The following DSCAM variants were observed in gnomAD, a reference collection of about 807,000 sequenced individuals.
The protein encoded by DSCAM is cell adhesion molecule DSCAM.
A neutral mutation model predicts 217.7 loss-of-function variants in DSCAM; 47 were observed. The observed-to-expected ratio is 0.22, with a 90% CI of 0.17 to 0.28. DSCAM has a LOEUF of 0.28. Among genes scored for constraint, DSCAM ranks in the 10% least tolerant of loss-of-function variants. The pLI is 1.00. For synonymous variants in DSCAM, 1,056 were observed against 1,015.3 expected (o/e 1.04, Z -0.76); for missense variants, 2,080 against 2,618.3 (o/e 0.79, Z 4.49).
At chr21:40,541,607 T>TTGTG (rs547166251) in intron 3 of DSCAM, among the ~76,000 whole-genome samples, 1 of 151,736 alleles carries the variant, frequency 6.6e-6, no homozygotes, top group Non-Finnish European at 1.5e-5. Context: ...ATGTGTATAT[T>TTGTG]TGTGTGTGTG....
intron 1 of DSCAM, among the ~76,000 whole-genome samples, chr21:40,756,737 C>T (rs1440262067): frequency 6.6e-6 from 1 of 152,128 alleles, no homozygotes; most frequent in Non-Finnish European, 1.5e-5. Context: ...ATACACTGTA[C>T]TAAACACTTC....
chr21:40,385,968 C>G (rs1442704138), intron 3 of DSCAM, among the ~76,000 whole-genome samples: 1 of 152,192 alleles, frequency 6.6e-6, no homozygotes, highest in Non-Finnish European at 1.5e-5. Context: ...AGCACAGTCA[C>G]TTTCTGTGCA....
rs911356584 is a variant in DSCAM, at chr21:40,528,898, CTTTTTTT to C, written c.509-159660_509-159654del. On this transcript the variant is annotated intron_variant, in intron 3 of 32. Coordinates refer to ENST00000400454, the MANE Select transcript of DSCAM (RefSeq NM_001389.5). ...TCTTTGGCAATGTCCAGGCTTTCCA[CTTTTTTT>C]TTTTTTTTTTTTTTTTGAGATGGAG... Among the ~76,000 whole-genome samples the C allele has an allele frequency of 1.8e-3, 178 of 99,390 alleles. 3 individuals carry two copies. In the East Asian group the frequency reaches 0.02, roughly 11 times the overall value. 65.2% of individuals were successfully genotyped at this position (99,390 alleles called of 152,430 possible).
At chr21:40,844,024 A>G (rs890662446) in intron 1 of DSCAM, among the ~76,000 whole-genome samples, 4 of 152,178 alleles carry the variant, frequency 2.6e-5, no homozygotes, top group African/African-American at 9.6e-5. Flanking sequence ...GAGGCCTAGC[A>G]ATAATCAGTT....
intron 3 of DSCAM, among the ~76,000 whole-genome samples, chr21:40,634,422 G>C (rs1051728062): frequency 2.0e-5 from 3 of 152,098 alleles, no homozygotes; most frequent in African/African-American, 7.2e-5. Context: ...AGCATGCAGT[G>C]GTACTACACT....
chr21:40,820,869 G>A (rs1227231071), intron 1 of DSCAM, among the ~76,000 whole-genome samples: 2 of 151,790 alleles, frequency 1.3e-5, no homozygotes, highest in African/African-American at 4.8e-5. Flanking sequence ...AACTTCTCTA[G>A]AGCACAATAA....
chr21:40,615,963 G>A (rs1405639170), intron 3 of DSCAM, among the ~76,000 whole-genome samples: 1 of 151,994 alleles, frequency 6.6e-6, no homozygotes, highest in Admixed American at 6.6e-5. Flanking sequence ...CTTTCTGATA[G>A]AAATGATAAC....
intron 3 of DSCAM, among the ~76,000 whole-genome samples, chr21:40,497,692 T>C (rs1312261961): frequency 6.6e-6 from 1 of 152,248 alleles, no homozygotes. Context: ...TTCCCCAATG[T>C]ATACATATAA....
intron 32 of DSCAM, among the ~76,000 whole-genome samples, chr21:40,021,248 G>T (rs1284033888): frequency 6.6e-6 from 1 of 150,680 alleles, no homozygotes; most frequent in African/African-American, 2.4e-5. Context: ...TAGCTACGCA[G>T]GTCGGTAGAC....
intron 14 of DSCAM, among the ~76,000 whole-genome samples, chr21:40,184,979 A>C (rs1172812803): frequency 6.6e-6 from 1 of 152,144 alleles, no homozygotes; most frequent in African/African-American, 2.4e-5. Flanking sequence ...TTCCCTTCTT[A>C]GAGTTCACCA....
intron 1 of DSCAM, among the ~76,000 whole-genome samples, chr21:40,789,150 T>G (rs2091617613): frequency 6.6e-6 from 1 of 151,904 alleles, no homozygotes; most frequent in African/African-American, 2.4e-5. Context: ...GTTGGAAGGG[T>G]GCCGATAGAG....
rs902651105 is a variant in DSCAM, at chr21:40,546,475, T to C, written c.508+146335A>G. Among the ~76,000 whole-genome samples the C allele has an allele frequency of 3.9e-5, 6 of 152,212 alleles. No homozygotes were observed. The South Asian group carries it at 8.3e-4, about 21-fold the overall frequency. On this transcript the variant is annotated intron_variant, in intron 3 of 32. Coordinates refer to ENST00000400454, the MANE Select transcript of DSCAM (RefSeq NM_001389.5). ...CTGCCTTTTGACCTTAGGCAAATCA[T>C]GTAGACTTCTCTGAGCCACCTCAGT...
intron 3 of DSCAM, among the ~76,000 whole-genome samples, chr21:40,419,247 CT>C (rs1245546434): frequency 1.3e-5 from 2 of 151,784 alleles, no homozygotes; most frequent in Non-Finnish European, 2.9e-5. Flanking sequence ...TCCCAAAGTG[CT>C]GGGATTACAG....
At chr21:40,240,418 A>C (rs546713481) in intron 11 of DSCAM, among the ~76,000 whole-genome samples, 87 of 126,692 alleles carry the variant, frequency 6.9e-4, no homozygotes, top group African/African-American at 2.5e-3. Flanking sequence ...TGTATCTTGC[A>C]TACAGATAGA....
intron 16 of DSCAM, among the ~76,000 whole-genome samples, chr21:40,147,584 A>C (rs1323235012): frequency 6.6e-6 from 1 of 152,190 alleles, no homozygotes; most frequent in Admixed American, 6.5e-5. Flanking sequence ...TGGAATAATT[A>C]TCTCATTTTG....
chr21:40,511,380 T>C (rs1231726393), intron 3 of DSCAM, among the ~76,000 whole-genome samples: 1 of 152,170 alleles, frequency 6.6e-6, no homozygotes, highest in Non-Finnish European at 1.5e-5. Flanking sequence ...ATTACATTAA[T>C]TTCTTGATTA....
At chr21:40,360,786 T>C (rs1315204807) in intron 4 of DSCAM, among the ~76,000 whole-genome samples, 2 of 152,224 alleles carry the variant, frequency 1.3e-5, no homozygotes, top group African/African-American at 4.8e-5. Context: ...CAAGTGCATA[T>C]GTCTTTTTGG....
intron 3 of DSCAM, among the ~76,000 whole-genome samples, chr21:40,485,467 C>T (rs910443786): frequency 9.2e-5 from 14 of 151,794 alleles, no homozygotes; most frequent in African/African-American, 2.4e-4. Context: ...TGGTCTCCAT[C>T]TCCTGACCTC....
At chr21:40,348,333 T>C in intron 5 of DSCAM, among the ~76,000 whole-genome samples, 1 of 126,536 alleles carries the variant, frequency 7.9e-6, no homozygotes, top group East Asian at 2.5e-4. Flanking sequence ...ACCCCATACA[T>C]TTTGTATCAG....
Sources: allele counts gnomAD v4.1 joint callset (sites outside exome capture counted in the v4.1 genomes callset), GRCh38; gene constraint gnomAD v4.1.1; transcripts MANE v1.5; gene names NCBI Gene and HGNC (gene_info 2026-07-23, HGNC 2026-07-21).